Variants in EHBP1 observed in about 807,000 individuals in gnomAD.
EHBP1 encodes the protein EH domain-binding protein 1.
In EHBP1, 55 loss-of-function variants were observed where a neutral mutation model predicts 144.0. That is an observed-to-expected ratio of 0.38 (90% CI 0.31 to 0.48). The LOEUF (loss-of-function observed/expected upper bound fraction) is 0.48, where lower values mean the gene tolerates loss of function less well. EHBP1 is among the 20% of genes least tolerant of loss of function. The probability of loss-of-function intolerance (pLI) is 0.98; values close to 1 mark genes in which losing one functional copy is unlikely to be tolerated. For missense variants in EHBP1, 1,200 were observed against 1,364.2 expected, an observed-to-expected ratio of 0.88 and a Z score of 1.90; for synonymous variants, 469 against 472.7, an observed-to-expected ratio of 0.99 and a Z score of 0.10.
intron 10 of EHBP1, among the ~76,000 whole-genome samples, chr2:62,879,743 T>C (rs114504540): frequency 0.037 from 5,677 of 152,224 alleles, 150 homozygotes; most frequent in Non-Finnish European, 0.054. Context: ...TATATGCTCA[T>C]GGATCGGAAA....
intron 19 of EHBP1, among the ~76,000 whole-genome samples, chr2:63,008,345 C>T (rs544267206): frequency 2.6e-5 from 4 of 151,352 alleles, no homozygotes; most frequent in African/African-American, 9.7e-5. Flanking sequence ...TCCTGTGGTG[C>T]CACTAAATTT....
intron 5 of EHBP1, among the ~76,000 whole-genome samples, chr2:62,798,095 G>GGT (rs2043673232): frequency 6.6e-6 from 1 of 152,302 alleles, no homozygotes. Flanking sequence ...GGCCGGGTGT[G>GGT]GTGGCTCACG....
chr2:62,830,527 T>C (rs942998518), intron 6 of EHBP1, among the ~76,000 whole-genome samples: 1 of 152,226 alleles, frequency 6.6e-6, no homozygotes, highest in African/African-American at 2.4e-5. Flanking sequence ...TTTGACTTCC[T>C]TGTAGATTTT....
chr2:62,721,223 A>C (rs1341645539), intron 2 of EHBP1, among the ~76,000 whole-genome samples: 1 of 152,084 alleles, frequency 6.6e-6, no homozygotes, highest in Non-Finnish European at 1.5e-5. Flanking sequence ...AATGTCCCTC[A>C]AATTGGGTTT....
intron 4 of EHBP1, among the ~76,000 whole-genome samples, chr2:62,769,061 G>A (rs1211535006): frequency 6.6e-6 from 1 of 152,138 alleles, no homozygotes; most frequent in Non-Finnish European, 1.5e-5. Flanking sequence ...CATATCGAAT[G>A]GGCAAAAGCT....
At chr2:62,922,238 C>G (rs2055149619) in intron 10 of EHBP1, among the ~76,000 whole-genome samples, 1 of 152,122 alleles carries the variant, frequency 6.6e-6, no homozygotes, top group Admixed American at 6.5e-5. Flanking sequence ...TCCTTTTCAT[C>G]TTTATGTTGA....
intron 5 of EHBP1, among the ~76,000 whole-genome samples, chr2:62,809,178 C>G (rs1308498186): frequency 4.0e-5 from 6 of 151,604 alleles, no homozygotes. Context: ...GTAATCCCAG[C>G]TACTTGGGAG....
At chr2:62,924,064 C>T (rs1267348764) in intron 10 of EHBP1, among the ~76,000 whole-genome samples, 1 of 152,158 alleles carries the variant, frequency 6.6e-6, no homozygotes, top group African/African-American at 2.4e-5. Flanking sequence ...AAACAGCCAT[C>T]CTGTGGATCG....
At chr2:62,930,119 T>G (rs536721215) in intron 10 of EHBP1, among the ~76,000 whole-genome samples, 1 of 152,174 alleles carries the variant, frequency 6.6e-6, no homozygotes, top group South Asian at 2.1e-4. Context: ...CATGGTGGCA[T>G]GCACTCATAG....
intron 15 of EHBP1, 92 bp from the exon 16 acceptor site, chr2:62,990,624 T>C (rs907555494): frequency 4.5e-6 from 6 of 1,321,990 alleles, no homozygotes; most frequent in South Asian, 4.1e-5. Flanking sequence ...TTTTAAAATA[T>C]AGTAATACTT....
At chr2:62,830,157 C>G (rs1165760982) in intron 6 of EHBP1, among the ~76,000 whole-genome samples, 3 of 59,350 alleles carry the variant, frequency 5.1e-5, no homozygotes, top group Admixed American at 2.0e-4. Flanking sequence ...TATATAGACA[C>G]ACACACACAC....
chr2:62,678,185 A>G (rs1424211244), intron 1 of EHBP1, among the ~76,000 whole-genome samples: 1 of 152,210 alleles, frequency 6.6e-6, no homozygotes. Flanking sequence ...AACTGGTGTA[A>G]GATTATGATA....
At chr2:62,787,567 A>G (rs2042903339) in intron 5 of EHBP1, among the ~76,000 whole-genome samples, 1 of 152,242 alleles carries the variant, frequency 6.6e-6, no homozygotes, top group Admixed American at 6.5e-5. Context: ...TAGCCATAGC[A>G]CAGTGCAGCA....
At chr2:63,035,847 C>G (rs959361919) in intron 19 of EHBP1, among the ~76,000 whole-genome samples, 17 of 151,886 alleles carry the variant, frequency 1.1e-4, no homozygotes, top group African/African-American at 4.1e-4. Context: ...GGATTTGTGC[C>G]TATCGCAGCC....
At chr2:62,906,817 T>G (rs2053846645) in intron 10 of EHBP1, among the ~76,000 whole-genome samples, 2 of 152,240 alleles carry the variant, frequency 1.3e-5, no homozygotes, top group African/African-American at 4.8e-5. Context: ...GTTTTGTCAT[T>G]TCAAGAATGT....
rs1482312385 is a variant in EHBP1, at chr2:62,840,623, G to C, written c.634+9465G>C. Among the ~76,000 whole-genome samples, 3 of 151,784 alleles carry C rather than the reference G, an allele frequency of 2.0e-5. No homozygotes were observed. The East Asian group carries it at 5.8e-4, about 29-fold the overall frequency. On this transcript the variant is annotated intron_variant, in intron 7 of 22. Transcript: ENST00000431489. ...AGGGCTAATATCCAGAATCTACAGTGAACACAAACAAATTTACAAGAAAAA... is the reference window on the plus strand; with the variant it reads ...AGGGCTAATATCCAGAATCTACAGTCAACACAAACAAATTTACAAGAAAAA...
upstream of EHBP1, among the ~76,000 whole-genome samples, chr2:62,701,695 A>G (rs1308744098): frequency 1.2e-4 from 18 of 152,218 alleles, no homozygotes; most frequent in Admixed American, 1.2e-3. Flanking sequence ...ACTACTACAG[A>G]AACCATCAGT....
At chr2:62,682,744 T>C (rs903198926) in intron 1 of EHBP1, among the ~76,000 whole-genome samples, 1 of 152,214 alleles carries the variant, frequency 6.6e-6, no homozygotes, top group African/African-American at 2.4e-5. Flanking sequence ...CTATACTGCC[T>C]GACTCTAGGA....
intron 10 of EHBP1, among the ~76,000 whole-genome samples, chr2:62,926,264 A>G (rs761949292): frequency 1.3e-5 from 2 of 152,122 alleles, no homozygotes; most frequent in African/African-American, 2.4e-5. Context: ...CATTGAAACT[A>G]CTAGTAGAAG....
Sources: gnomAD v4.1 joint callset for allele counts (sites outside exome capture counted in the v4.1 genomes callset) on GRCh38, gnomAD v4.1.1 for gene constraint, MANE v1.5 for transcripts, NCBI Gene and HGNC (gene_info 2026-07-23, HGNC 2026-07-21) for gene names.